The following BIN2 variants were observed in gnomAD, a reference collection of about 807,000 sequenced individuals.
BIN2 encodes bridging integrator 2, also known as breast cancer associated protein BRAP1.
BIN2 carries 43 observed loss-of-function variants against 67.9 expected under a neutral mutation model. That is an observed-to-expected ratio of 0.63 (90% confidence interval 0.50 to 0.82). The LOEUF (loss-of-function observed/expected upper bound fraction) is 0.82, where lower values mean the gene tolerates loss of function less well. Among genes scored for constraint, BIN2 ranks in the 40% least tolerant of loss-of-function variants. The pLI, the probability that BIN2 is intolerant of heterozygous loss-of-function variation, is 0.00. For missense variants in BIN2, 581 were observed against 671.6 expected (o/e 0.87, Z 1.49); for synonymous variants, 244 against 246.8 (o/e 0.99, Z 0.11).
intron 10 of BIN2, among the ~76,000 whole-genome samples, chr12:51,291,179 A>G (rs1453718077): frequency 6.6e-6 from 1 of 152,134 alleles, no homozygotes; most frequent in African/African-American, 2.4e-5. Context: ...AAACAAAAAA[A>G]AGTCAATTAC....
intron 1 of BIN2, among the ~76,000 whole-genome samples, chr12:51,319,259 T>C (rs1382439195): frequency 6.6e-6 from 1 of 151,840 alleles, no homozygotes; most frequent in African/African-American, 2.4e-5. Flanking sequence ...GCTTGGAGAG[T>C]GTGGGGTCGG....
chr12:51,283,349 G>A lies in BIN2; in HGVS notation c.1668+1367C>T, dbSNP rs78506030. 5.2e-3 allele frequency among the ~76,000 whole-genome samples: 797 copies of A among 152,006 alleles called. 30 individuals are homozygous for A. In the East Asian group the frequency reaches 0.1, roughly 19 times the overall value. On this transcript the variant is annotated intron_variant, in intron 12 of 12. Transcript: ENST00000615107. Reference sequence around the variant, plus strand: ...TCAAGTAGATCCTTCAGGAAGAGGCGTTGTTATTACCAGAGATGACAGGTC... The same window carrying A: ...TCAAGTAGATCCTTCAGGAAGAGGCATTGTTATTACCAGAGATGACAGGTC...
At chr12:51,295,621 T>A (rs1367468465) in intron 9 of BIN2, among the ~76,000 whole-genome samples, 175 bp downstream of exon 9, 10,710 of 87,458 alleles carry the variant, frequency 0.12, 2,560 homozygotes, top group East Asian at 0.51. Flanking sequence ...TATATATATA[T>A]ATATATATAT....
In BIN2 at chr12:51,292,168, T is replaced by C; in HGVS notation, c.938A>G (p.Lys313Arg). 1 of 1,613,894 alleles carries C rather than the reference T, an allele frequency of 6.2e-7. No individual in the cohort carries two copies. The highest frequency in any genetic ancestry group is 1.7e-4 in the Middle Eastern group (1 of 6,058). The stretch of plus-strand genomic sequence containing the variant: ...TATTTCCTCCTCTTCTAAGAGCTCC[T>C]TGATCTCAGAATTGTCTTCCCCTTG... ...AAQGEDNSEIKELLEEEEIEK... is the reference protein window; with the variant it reads ...AAQGEDNSEIRELLEEEEIEK... The change falls in exon 10 of 13, where the codon AAG becomes AGG. Residue 313 changes from lysine (K) to arginine (R), a missense_variant. Lys to Arg is a conservative substitution (Grantham distance 26, BLOSUM62 2). Coordinates refer to ENST00000615107, the MANE Select transcript of BIN2 (RefSeq NM_016293.4).
intron 7 of BIN2, among the ~76,000 whole-genome samples, chr12:51,297,974 G>T (rs767637561): frequency 6.6e-6 from 1 of 152,046 alleles, no homozygotes; most frequent in East Asian, 1.9e-4. Context: ...GGCCAGGCAC[G>T]GTGGCTCATG....
In BIN2 at chr12:51,295,581, T is replaced by G. The variant is rs1410121404; in HGVS notation, c.761+215A>C. Among the ~76,000 whole-genome samples the G allele has an allele frequency of 4.9e-3, 77 of 15,566 alleles. 9 individuals are homozygous for G. The highest frequency in any genetic ancestry group is 0.016 in the African/African-American group (59 of 3,666). 10.2% of individuals were successfully genotyped at this position (15,566 alleles called of 152,430 possible). ...CCGTCTCAAAAAAAAAAAAAAAATATATATATATATATATATATATATATA... is the reference window on the plus strand; with the variant it reads ...CCGTCTCAAAAAAAAAAAAAAAATAGATATATATATATATATATATATATA... On this transcript the variant is annotated intron_variant, in intron 9 of 12. Coordinates refer to ENST00000615107, the MANE Select transcript of BIN2 (RefSeq NM_016293.4).
intron 1 of BIN2, 93 bp from the exon 2 acceptor site, chr12:51,313,996 A>C: frequency 6.6e-6 from 5 of 756,778 alleles, no homozygotes; most frequent in Non-Finnish European, 1.2e-5. Context: ...CAAGAATCTC[A>C]CTTACAACTC....
intron 9 of BIN2, among the ~76,000 whole-genome samples, chr12:51,294,581 CAAAAAA>C (rs1284896244): frequency 7.1e-6 from 1 of 140,056 alleles, no homozygotes; most frequent in Admixed American, 7.2e-5. Context: ...AAAAAAAAAA[CAAAAAA>C]AACCCCCCAA....
At position 51,302,122 on chromosome 12, in the gene BIN2, G is replaced by C; in HGVS notation, c.313-7C>G. 3 of 1,598,214 alleles carry C rather than the reference G, an allele frequency of 1.9e-6. No individual in the cohort carries two copies. The highest frequency in any genetic ancestry group is 2.6e-6 in the Non-Finnish European group (3 of 1,165,846). On this transcript the variant is annotated splice_polypyrimidine_tract_variant and splice_region_variant and intron_variant, in intron 4 of 12. Transcript: ENST00000615107. ...CCCAAAGGAGATCATTATTCTGTAG[G>C]ATAGAGTCAGAGGCTGGTGAAGGCT...
chr12:51,323,462 G>C (rs3843650), intron 1 of BIN2, among the ~76,000 whole-genome samples: 95,924 of 151,908 alleles, frequency 0.63, 30,994 homozygotes, highest in African/African-American at 0.74. Context: ...AGGGAGGGTA[G>C]AAGAAGCAGA....
intron 12 of BIN2, among the ~76,000 whole-genome samples, chr12:51,283,855 G>T (rs534397449): frequency 6.6e-6 from 1 of 151,924 alleles, no homozygotes; most frequent in South Asian, 2.1e-4. Flanking sequence ...TTAGCTGGGC[G>T]TGGTGGCGCA....
intron 1 of BIN2, among the ~76,000 whole-genome samples, chr12:51,320,631 A>G (rs1565693086): frequency 6.9e-6 from 1 of 144,298 alleles, no homozygotes; most frequent in Non-Finnish European, 1.5e-5. Context: ...TATTATCATT[A>G]TTCTTTTTTT....
intron 1 of BIN2, among the ~76,000 whole-genome samples, chr12:51,316,684 T>A (rs1946143615): frequency 6.6e-6 from 1 of 152,160 alleles, no homozygotes; most frequent in African/African-American, 2.4e-5. Flanking sequence ...CTGGTCCCTC[T>A]TTCTAGAATG....
intron 5 of BIN2, among the ~76,000 whole-genome samples, chr12:51,301,578 G>T (rs1259522149): frequency 6.6e-6 from 1 of 151,984 alleles, no homozygotes; most frequent in Non-Finnish European, 1.5e-5. Context: ...GCATGATCTT[G>T]GCTCACTGCA....
intron 1 of BIN2, among the ~76,000 whole-genome samples, chr12:51,322,378 T>C (rs2137457664): frequency 6.6e-6 from 1 of 152,234 alleles, no homozygotes; most frequent in South Asian, 2.1e-4. Flanking sequence ...TACAATCAAT[T>C]GTATGTCTTT....
At chr12:51,299,805 T>C in intron 5 of BIN2, 91 bp from the exon 6 acceptor site, 1 of 1,077,686 alleles carries the variant, frequency 9.3e-7, no homozygotes. Context: ...GCAAGATTCT[T>C]GCATCCTACT....
At chr12:51,302,368 T>C (rs1459979904) in intron 4 of BIN2, 16 of 530,386 alleles carry the variant, frequency 3.0e-5, no homozygotes, top group Non-Finnish European at 5.4e-5. Flanking sequence ...CTCCAGAGCT[T>C]AGATGGGAAA....
chr12:51,318,908 C>A (rs1421716836), intron 1 of BIN2, among the ~76,000 whole-genome samples: 13 of 141,284 alleles, frequency 9.2e-5, no homozygotes, highest in Non-Finnish European at 4.9e-5. Flanking sequence ...TTGGTTTGGC[C>A]ATATCTGTTT....
intron 2 of BIN2, among the ~76,000 whole-genome samples, chr12:51,304,508 T>G (rs1050062922): frequency 1.3e-5 from 2 of 152,164 alleles, no homozygotes; most frequent in African/African-American, 4.8e-5. Flanking sequence ...GAACCTGACT[T>G]CAGGACTGTG....
Sources: gnomAD v4.1 joint callset for allele counts (sites outside exome capture counted in the v4.1 genomes callset) on GRCh38, gnomAD v4.1.1 for gene constraint, MANE v1.5 for transcripts, NCBI Gene and HGNC (gene_info 2026-07-23, HGNC 2026-07-21) for gene names.